The following TMEM154 variants were observed in gnomAD, a reference collection of about 807,000 sequenced individuals.
TMEM154 encodes the protein transmembrane protein 154.
A neutral mutation model predicts 24.5 loss-of-function variants in TMEM154; 27 were observed. The observed-to-expected ratio is 1.10, with a 90% CI of 0.81 to 1.52. The LOEUF (loss-of-function observed/expected upper bound fraction) is 1.52. Among genes scored for constraint, TMEM154 ranks in the 40% most tolerant of loss-of-function variants. The probability of loss-of-function intolerance (pLI) is 0.00; values close to 1 mark genes in which losing one functional copy is unlikely to be tolerated. For synonymous variants in TMEM154, 67 were observed against 76.8 expected, an observed-to-expected ratio of 0.87 and a Z score of 0.67; for missense variants, 228 against 213.4, an observed-to-expected ratio of 1.07 and a Z score of -0.43.
At chr4:152,679,479 GC>G (rs1357592742) in intron 1 of TMEM154, among the ~76,000 whole-genome samples, 1 of 151,390 alleles carries the variant, frequency 6.6e-6, no homozygotes, top group African/African-American at 2.4e-5. Context: ...AGACTTCTCA[GC>G]CCACACCATA....
intron 1 of TMEM154, among the ~76,000 whole-genome samples, chr4:152,666,001 G>A (rs1561056586): frequency 6.6e-6 from 1 of 151,992 alleles, no homozygotes; most frequent in Non-Finnish European, 1.5e-5. Flanking sequence ...TGTTACCCAG[G>A]CTGGTCTCCA....
chr4:152,628,594 A>C lies in TMEM154; in HGVS notation c.537-33T>G, dbSNP rs1420346704. ...AAAAAAAAAAAAAAAAAAAAAAAAC[A>C]AAAAAAACACACACACACACACAAA... On this transcript the variant is annotated intron_variant, in intron 6 of 6. Transcript: ENST00000304385. The C allele has an allele frequency of 4.8e-6, 5 of 1,042,624 alleles. No homozygotes were observed. In the African/African-American group the frequency reaches 2.1e-4, roughly 44 times the overall value. 64.6% of individuals were successfully genotyped at this position (1,042,624 alleles called of 1,614,324 possible).
chr4:152,649,159 A>G (rs1433083394), intron 3 of TMEM154, among the ~76,000 whole-genome samples: 1 of 152,266 alleles, frequency 6.6e-6, no homozygotes, highest in Non-Finnish European at 1.5e-5. Flanking sequence ...GCATGGCCCC[A>G]AAGCCAGAGG....
At chr4:152,666,948 C>G (rs143970501) in intron 1 of TMEM154, 1 of 152,304 alleles carries the variant, frequency 6.6e-6, no homozygotes, top group African/African-American at 2.4e-5. Flanking sequence ...GACAGTGCTA[C>G]GAGGACACCG....
chr4:152,656,678 T>C lies in TMEM154; in HGVS notation c.65-3751A>G, dbSNP rs1728497756. 3.3e-5 allele frequency among the ~76,000 whole-genome samples: 5 copies of C among 152,054 alleles called. No homozygotes were observed. The South Asian group carries it at 1.0e-3, about 32-fold the overall frequency. ...GGCTCATGCCTGTAATCCCAGCATT[T>C]TGGGAGGCTGAGGCAGGTGGATCAC... On this transcript the variant is annotated intron_variant, in intron 1 of 6. Transcript: ENST00000304385.
Position 152,626,885 on chromosome 4 carries a change from A to C in TMEM154, c.*1661T>G, listed in dbSNP as rs3922934. The C allele has an allele frequency of 0.87, 131,835 of 152,232 alleles. 58,158 individuals are homozygous for C. Among genetic ancestry groups the C allele is most frequent in the Non-Finnish European group, 0.94 (63,759 of 68,036 alleles). 9.4% of individuals were successfully genotyped at this position (152,232 alleles called of 1,614,324 possible). ...AATTGTATGCAATTTTGGCATAAAT[A>C]TCTGAGAGTCACTGTGGGCCATGAG... On this transcript the variant is annotated 3_prime_UTR_variant, in exon 7 of 7. Coordinates refer to ENST00000304385, the MANE Select transcript of TMEM154 (RefSeq NM_152680.3).
Position 152,671,479 on chromosome 4 carries a change from G to A in TMEM154, c.64+8391C>T, listed in dbSNP as rs564956902. On this transcript the variant is annotated intron_variant, in intron 1 of 6. Coordinates refer to ENST00000304385, the MANE Select transcript of TMEM154 (RefSeq NM_152680.3). ...GAAAATAGCCTAGGCCGGGCGCGGT[G>A]GCTCACGCCTGTAATCCCAGCACTT... Among the ~76,000 whole-genome samples, 3 of 152,188 alleles carry A rather than the reference G, an allele frequency of 2.0e-5. No individual in the cohort carries two copies. The East Asian group carries it at 5.8e-4, about 29-fold the overall frequency.
chr4:152,660,239 T>G (rs1310322817), intron 1 of TMEM154, among the ~76,000 whole-genome samples: 2 of 152,112 alleles, frequency 1.3e-5, no homozygotes, highest in African/African-American at 2.4e-5. Context: ...CTGGTAACCT[T>G]GGCCAGTGAA....
At chr4:152,653,632 C>T (rs894336485) in intron 1 of TMEM154, among the ~76,000 whole-genome samples, 106 of 151,660 alleles carry the variant, frequency 7.0e-4, no homozygotes, top group African/African-American at 2.4e-3. Flanking sequence ...TCAAGTGATC[C>T]ACCCGCCTCA....
intron 4 of TMEM154, 109 bp downstream of exon 4, chr4:152,644,306 A>G (rs1561047978): frequency 4.1e-6 from 5 of 1,223,800 alleles, no homozygotes; most frequent in Non-Finnish European, 6.0e-6. Context: ...CCTGGGAAGC[A>G]GGAGAGTCCC....
At chr4:152,649,278 A>G (rs1728327710) in intron 3 of TMEM154, among the ~76,000 whole-genome samples, 1 of 152,234 alleles carries the variant, frequency 6.6e-6, no homozygotes, top group Admixed American at 6.5e-5. Context: ...GAAAGACTAT[A>G]AAGGCTTTAA....
In TMEM154 at chr4:152,655,769, A is replaced by G. The variant is rs1449415101; in HGVS notation, c.65-2842T>C. Among the ~76,000 whole-genome samples the G allele has an allele frequency of 3.3e-5, 5 of 152,278 alleles. No homozygotes were observed. The East Asian group carries it at 9.7e-4, about 29-fold the overall frequency. ...AAAGCATAGCCCCAGCTGGCTGCCT[A>G]TGGTTGCTCCCACTGAAAGCAATCC... On this transcript the variant is annotated intron_variant, in intron 1 of 6. Coordinates refer to ENST00000304385, the MANE Select transcript of TMEM154 (RefSeq NM_152680.3).
chr4:152,646,717 C>T, intron 3 of TMEM154: 1 of 488,592 alleles, frequency 2.0e-6, no homozygotes. Context: ...ACAGTACTCT[C>T]CTCTCAGATC....
Position 152,621,804 on chromosome 4 carries a change from TC to T in TMEM154, c.*6741del, listed in dbSNP as rs1751847435. 2 of 152,054 alleles carry T rather than the reference TC, an allele frequency of 1.3e-5. No individual in the cohort carries two copies. The highest frequency in any genetic ancestry group is 6.6e-5 in the Admixed American group (1 of 15,244). The allele number at this position is 152,054 out of a possible 1,614,324, so 9.4% of individuals were successfully genotyped here. A position where few individuals can be genotyped will look rare whatever the true frequency, so the allele number is the denominator to read the frequency against. ...AAAAAGAGGTTTTCTTGTGGATTTT[TC>T]CATTTTTACTAGAATTTTTTTTTTT... On this transcript the variant is annotated 3_prime_UTR_variant, in exon 7 of 7. Coordinates refer to ENST00000304385, the MANE Select transcript of TMEM154 (RefSeq NM_152680.3).
Position 152,648,072 on chromosome 4 carries a change from C to T in TMEM154, c.365-3630G>A, listed in dbSNP as rs78481217. Among the ~76,000 whole-genome samples, 1,221 of 152,234 alleles carry T rather than the reference C, an allele frequency of 8.0e-3. 16 individuals carry two copies. The highest frequency in any genetic ancestry group is 0.028 in the African/African-American group (1,183 of 41,522). On this transcript the variant is annotated intron_variant, in intron 3 of 6. Coordinates refer to ENST00000304385, the MANE Select transcript of TMEM154 (RefSeq NM_152680.3). ...GGAAGGAAGGAAGGGAAACAAGTCA[C>T]CAACTTATGACAATGTGAATACTGT...
chr4:152,657,323 G>T (rs1326556387), intron 1 of TMEM154, among the ~76,000 whole-genome samples: 1 of 151,570 alleles, frequency 6.6e-6, no homozygotes, highest in Non-Finnish European at 1.5e-5. Context: ...AGGCCAGACT[G>T]GGCAACATGG....
chr4:152,632,561 A>G (rs1752066414), intron 6 of TMEM154, among the ~76,000 whole-genome samples: 1 of 152,174 alleles, frequency 6.6e-6, no homozygotes, highest in Non-Finnish European at 1.5e-5. Flanking sequence ...CCATTTTTAC[A>G]TGGTTGAGTC....
chr4:152,673,636 G>C (rs1265022632), intron 1 of TMEM154, among the ~76,000 whole-genome samples: 1 of 152,092 alleles, frequency 6.6e-6, no homozygotes, highest in Non-Finnish European at 1.5e-5. Flanking sequence ...TCATCAACAT[G>C]ACTTTTGATA....
At chr4:152,634,683 A>G (rs1366097563) in intron 6 of TMEM154, among the ~76,000 whole-genome samples, 1 of 152,170 alleles carries the variant, frequency 6.6e-6, no homozygotes, top group African/African-American at 2.4e-5. Context: ...GCGCACGTGC[A>G]TCTGTGTTTT....
Sources: allele counts gnomAD v4.1 joint callset (sites outside exome capture counted in the v4.1 genomes callset), GRCh38; gene constraint gnomAD v4.1.1; transcripts MANE v1.5; gene names NCBI Gene and HGNC (gene_info 2026-07-23, HGNC 2026-07-21).